TSPAN11: variants seen among roughly 807,000 people sequenced by gnomAD.
TSPAN11 encodes the protein tetraspanin-11.
TSPAN11 carries 29 observed loss-of-function variants against 32.9 expected under a neutral mutation model. The ratio of observed to expected loss-of-function variants is 0.88; its 90% CI spans 0.66 to 1.20. The LOEUF (loss-of-function observed/expected upper bound fraction) is 1.20, where lower values mean the gene tolerates loss of function less well. Ranked by LOEUF, TSPAN11 falls within the 50% of genes most tolerant of loss-of-function variation. TSPAN11 has a pLI of 0.00. For synonymous variants in TSPAN11, 140 were observed against 141.3 expected (o/e 0.99, Z 0.07); for missense variants, 283 against 329.1 (o/e 0.86, Z 1.08).
At chr12:30,938,345 T>G (rs1228530367) in intron 1 of TSPAN11, among the ~76,000 whole-genome samples, 1 of 152,198 alleles carries the variant, frequency 6.6e-6, no homozygotes, top group Non-Finnish European at 1.5e-5. Flanking sequence ...CTGCCTCAAC[T>G]GCTCACCCAC....
At chr12:30,926,924 C>T (rs767351844) in intron 1 of TSPAN11, 128 bp downstream of exon 1, 5 of 1,281,994 alleles carry the variant, frequency 3.9e-6, no homozygotes, top group South Asian at 1.2e-5. Flanking sequence ...GAGCTTCCCC[C>T]GGGCGGGCAG....
At chr12:30,958,873 AAAGT>A (rs1938553119) in intron 2 of TSPAN11, among the ~76,000 whole-genome samples, 1 of 152,060 alleles carries the variant, frequency 6.6e-6, no homozygotes, top group South Asian at 2.1e-4. Flanking sequence ...TGGTTGAAAG[AAAGT>A]ATGAGAGTAA....
At chr12:30,926,919 T>TC in intron 1 of TSPAN11, 123 bp downstream of exon 1, 1 of 1,281,596 alleles carries the variant, frequency 7.8e-7, no homozygotes, top group Non-Finnish European at 1.0e-6. Context: ...GTCCCGAGCT[T>TC]CCCCCGGGCG....
intron 1 of TSPAN11, among the ~76,000 whole-genome samples, chr12:30,945,705 C>G (rs1333060213): frequency 6.6e-6 from 1 of 152,118 alleles, no homozygotes; most frequent in Non-Finnish European, 1.5e-5. Flanking sequence ...GCCGAAGACA[C>G]AATGATCCCC....
intron 3 of TSPAN11, among the ~76,000 whole-genome samples, chr12:30,977,766 T>C (rs1939005746): frequency 6.6e-6 from 1 of 152,038 alleles, no homozygotes; most frequent in Non-Finnish European, 1.5e-5. Context: ...GCAGGGCCCA[T>C]GTCCTTCTAC....
chr12:30,931,342 A>T (rs541139859), intron 1 of TSPAN11, among the ~76,000 whole-genome samples: 1 of 152,316 alleles, frequency 6.6e-6, no homozygotes, highest in African/African-American at 2.4e-5. Context: ...CTCAGAAGAA[A>T]AAAGGACAAA....
intron 3 of TSPAN11, among the ~76,000 whole-genome samples, chr12:30,972,317 G>A (rs545852697): frequency 4.5e-4 from 69 of 152,290 alleles, no homozygotes; most frequent in African/African-American, 1.2e-3. Flanking sequence ...AGGGATCAGC[G>A]TGTACACAGT....
chr12:30,944,135 A>G (rs1303318892), intron 1 of TSPAN11, among the ~76,000 whole-genome samples: 1 of 152,088 alleles, frequency 6.6e-6, no homozygotes. Context: ...ATAAAACTGT[A>G]TGTATTTACC....
At chr12:30,950,572 T>C (rs140768247) in intron 1 of TSPAN11, among the ~76,000 whole-genome samples, 157 of 152,308 alleles carry the variant, frequency 1.0e-3, no homozygotes, top group African/African-American at 2.8e-3. Context: ...AGGGTGATGT[T>C]AGCTGTGAGC....
rs538036954 is a variant in TSPAN11 at position 30,956,145 on chromosome 12, A to C, written c.84+2070A>C. On this transcript the variant is annotated intron_variant, in intron 2 of 7. Transcript: ENST00000546076. ...GTCAAGATTGGGTCCTTAACCTAAA[A>C]AGGCATCTGGGACATGTGGATGGTG... Among the ~76,000 whole-genome samples, 5 of 152,360 alleles carry C rather than the reference A, an allele frequency of 3.3e-5. No homozygotes were observed. The East Asian group carries it at 7.7e-4, about 23-fold the overall frequency.
intron 1 of TSPAN11, among the ~76,000 whole-genome samples, chr12:30,934,759 C>A (rs1012490796): frequency 6.6e-6 from 1 of 151,944 alleles, no homozygotes; most frequent in South Asian, 2.1e-4. Flanking sequence ...CATTAGACAC[C>A]CCTGCTCTAC....
At chr12:30,957,240 C>T (rs1021659213) in intron 2 of TSPAN11, among the ~76,000 whole-genome samples, 2 of 143,416 alleles carry the variant, frequency 1.4e-5, no homozygotes, top group East Asian at 2.1e-4. Flanking sequence ...CCCCCCCCCC[C>T]CCACACCATG....
At chr12:30,962,412 A>T (rs888787220) in intron 2 of TSPAN11, among the ~76,000 whole-genome samples, 2 of 152,220 alleles carry the variant, frequency 1.3e-5, no homozygotes, top group African/African-American at 4.8e-5. Flanking sequence ...TCATGGTGTA[A>T]TCTTGGGCAC....
At chr12:30,946,739 C>T (rs1249414900) in intron 1 of TSPAN11, among the ~76,000 whole-genome samples, 1 of 152,182 alleles carries the variant, frequency 6.6e-6, no homozygotes, top group Non-Finnish European at 1.5e-5. Flanking sequence ...TGAATGAAAG[C>T]CCAGAGCAAG....
the TSPAN11 span, among the ~76,000 whole-genome samples, chr12:31,008,095 A>C: frequency 8.3e-6 from 1 of 120,174 alleles, no homozygotes; most frequent in Non-Finnish European, 1.7e-5. Context: ...CCAACAACTT[A>C]TTCCATTTCT....
chr12:30,960,210 T>C (rs901176085), intron 2 of TSPAN11, among the ~76,000 whole-genome samples: 1 of 151,862 alleles, frequency 6.6e-6, no homozygotes, highest in Non-Finnish European at 1.5e-5. Flanking sequence ...GTGGTTCCCA[T>C]GGGTGAGCTC....
chr12:30,942,163 C>T (rs1450988009), intron 1 of TSPAN11, among the ~76,000 whole-genome samples: 5 of 152,244 alleles, frequency 3.3e-5, no homozygotes, highest in Admixed American at 6.5e-5. Flanking sequence ...CATTGTCCTT[C>T]ATCGGGAAGC....
At chr12:30,927,098 G>A (rs1301114140) in intron 1 of TSPAN11, 1 of 1,171,842 alleles carries the variant, frequency 8.5e-7, no homozygotes, top group Non-Finnish European at 1.1e-6. Context: ...GAGAGCTCTG[G>A]GCCTCTGAGG....
chr12:30,937,077 G>A (rs1938059974), intron 1 of TSPAN11, among the ~76,000 whole-genome samples: 1 of 152,230 alleles, frequency 6.6e-6, no homozygotes, highest in African/African-American at 2.4e-5. Flanking sequence ...GGCTTCAAAA[G>A]AAGATGTGAC....
Sources: gnomAD v4.1 joint callset for allele counts (sites outside exome capture counted in the v4.1 genomes callset) on GRCh38, gnomAD v4.1.1 for gene constraint, MANE v1.5 for transcripts, NCBI Gene and HGNC (gene_info 2026-07-23, HGNC 2026-07-21) for gene names.